The following CSNK1D variants were observed in gnomAD, a reference collection of about 807,000 sequenced individuals.
The protein encoded by CSNK1D is casein kinase 1 delta.
In CSNK1D, 16 loss-of-function variants were observed where a neutral mutation model predicts 46.6. The observed-to-expected ratio is 0.34, with a 90% CI of 0.23 to 0.52. The LOEUF (loss-of-function observed/expected upper bound fraction) is 0.52, where lower values mean the gene tolerates loss of function less well. CSNK1D is among the 20% of genes least tolerant of loss of function. CSNK1D has a pLI of 0.95. For missense variants in CSNK1D, 398 were observed against 578.4 expected (o/e 0.69, Z 3.20); for synonymous variants, 276 against 228.2 (o/e 1.21, Z -1.89).
intron 3 of CSNK1D, chr17:82,254,778 G>A (rs2051123379): frequency 3.8e-6 from 1 of 263,754 alleles, no homozygotes; most frequent in African/African-American, 3.6e-5. Context: ...TGAGCCACCG[G>A]AGCCTCGAGA....
downstream of CSNK1D, among the ~76,000 whole-genome samples, chr17:82,240,937 G>GGGGAA (rs745372251): frequency 3.5e-4 from 53 of 152,328 alleles, no homozygotes; most frequent in Non-Finnish European, 6.6e-4. Flanking sequence ...CAGGAGTGAA[G>GGGGAA]GGGAAGGGAA....
At chr17:82,264,360 A>C (rs577211000) in intron 2 of CSNK1D, among the ~76,000 whole-genome samples, 15 of 152,332 alleles carry the variant, frequency 9.8e-5, no homozygotes, top group Non-Finnish European at 1.8e-4. Context: ...CACACGCTTC[A>C]TGGCTCTGAA....
chr17:82,244,963 C>A, intron 8 of CSNK1D, 132 bp from the exon 9 acceptor site: 1 of 1,157,860 alleles, frequency 8.6e-7, no homozygotes, highest in Non-Finnish European at 1.3e-6. Context: ...ACGCCTGCGT[C>A]CCCCGCCACG....
At chr17:82,266,782 C>T (rs760991350) in intron 1 of CSNK1D, 19 of 152,494 alleles carry the variant, frequency 1.2e-4, no homozygotes, top group Non-Finnish European at 2.3e-4. Context: ...TGGAATCGGC[C>T]GGGCGCGGTG....
chr17:82,255,991 T>A lies in CSNK1D; in HGVS notation c.188-414A>T, dbSNP rs2051165721. ...ATGGGAGGAGAGAAAGCAGCTACCG[T>A]GGGTTAGGTGAGAGAAGAAAATATG... On this transcript the variant is annotated intron_variant, in intron 2 of 8. Transcript: ENST00000314028. The surrounding 1 kb of genome is among the most constrained non-coding windows in gnomAD (Gnocchi z 5.9). 6.6e-6 allele frequency among the ~76,000 whole-genome samples: 1 copy of A among 152,152 alleles called. No homozygotes were observed. Among genetic ancestry groups the A allele is most frequent in the South Asian group, 2.1e-4 (1 of 4,832 alleles).
chr17:82,245,059 G>A, intron 8 of CSNK1D: 1 of 631,512 alleles, frequency 1.6e-6, no homozygotes, highest in Non-Finnish European at 2.8e-6. Context: ...CAAGCAAGGT[G>A]CCCGCGGAGC....
At position 82,249,650 on chromosome 17, in the gene CSNK1D, A is replaced by G. The variant is rs1482944177; in HGVS notation, c.886-48T>C. On this transcript the variant is annotated intron_variant, in intron 6 of 8. Coordinates refer to ENST00000314028, the MANE Select transcript of CSNK1D (RefSeq NM_001893.6). This position sits in a 1 kb window ranked among gnomAD's most constrained non-coding sequence, Gnocchi z 6.7. ...CGGAATGGAACCAGCTTTGGCAGAA[A>G]GCAACCCTAGGTCCTAGGCTGCCCC... The G allele has an allele frequency of 6.5e-7, 1 of 1,544,696 alleles. No homozygotes were observed. Among genetic ancestry groups the G allele is most frequent in the South Asian group, 1.2e-5 (1 of 84,528 alleles).
At chr17:82,239,774 C>T (rs115739233), downstream of CSNK1D, 1,552 of 395,194 alleles carry the variant, frequency 3.9e-3, 17 homozygotes, top group African/African-American at 0.03. Context: ...GAAACAGGAC[C>T]CTCCTGCCTT....
chr17:82,244,522 A>G lies in CSNK1D; in HGVS notation c.*259T>C. Reference sequence around the variant, plus strand: ...TGGAAAAGGAGTCTGATTCTCTGCAATTCTCTCTCTGCTTTTCTTCCCAGC... The same window carrying G: ...TGGAAAAGGAGTCTGATTCTCTGCAGTTCTCTCTCTGCTTTTCTTCCCAGC... On this transcript the variant is annotated 3_prime_UTR_variant, in exon 9 of 9. Coordinates refer to ENST00000314028, the MANE Select transcript of CSNK1D (RefSeq NM_001893.6). 6.9e-7 allele frequency: 1 copy of G among 1,439,524 alleles called. No homozygotes were observed. The highest frequency in any genetic ancestry group is 9.1e-7 in the Non-Finnish European group (1 of 1,095,838). The allele number at this position is 1,439,524 out of a possible 1,614,324, so 89.2% of individuals were successfully genotyped here.
chr17:82,241,390 T>G (rs1599567185), downstream of CSNK1D, among the ~76,000 whole-genome samples: 2 of 152,232 alleles, frequency 1.3e-5, no homozygotes, highest in African/African-American at 4.8e-5. Flanking sequence ...CCTGCTCTTT[T>G]CAGCGTCTAA....
rs548880770 is a variant in CSNK1D at position 82,245,095 on chromosome 17, G to A, written c.1198-264C>T. On this transcript the variant is annotated intron_variant, in intron 8 of 8. Transcript: ENST00000314028. ...CGGGCTCGGCAGGGTCGAAGGATCC[G>A]AGTGGAGCGGAGACGGGTGCTCCTG... 6.7e-5 allele frequency: 40 copies of A among 595,982 alleles called. 1 individual carries two copies. The highest frequency in any genetic ancestry group is 1.1e-4 in the Non-Finnish European group (37 of 333,878). 36.9% of individuals were successfully genotyped at this position (595,982 alleles called of 1,614,324 possible).
rs1258342929 is a variant in CSNK1D at position 82,252,760 on chromosome 17, T to TGCCCAGATCACTCTC, written c.566-171_566-157dup. Among the ~76,000 whole-genome samples the TGCCCAGATCACTCTC allele has an allele frequency of 1.5e-3, 232 of 152,232 alleles. No individual in the cohort carries two copies. The highest frequency in any genetic ancestry group is 6.8e-3 in the Middle Eastern group (2 of 294). ...AGTGGAGACGAACCTCGGACACACA[T>TGCCCAGATCACTCTC]GCCCAGATCACTCTCACCCAGAGCT... On this transcript the variant is annotated intron_variant, in intron 4 of 8. Transcript: ENST00000314028. This position sits in a 1 kb window ranked among gnomAD's most constrained non-coding sequence, Gnocchi z 4.6.
Position 82,248,797 on chromosome 17 carries a change from C to T in CSNK1D, c.1197+78G>A. On this transcript the variant is annotated intron_variant, in intron 8 of 8. Coordinates refer to ENST00000314028, the MANE Select transcript of CSNK1D (RefSeq NM_001893.6). The surrounding 1 kb of genome is among the most constrained non-coding windows in gnomAD (Gnocchi z 4.1). ...GGGGGAAGAAAGGAAAGAAGAAGCCCTGGAGAAACCACAGCCCGCTCTTGA... is the reference window on the plus strand; with the variant it reads ...GGGGGAAGAAAGGAAAGAAGAAGCCTTGGAGAAACCACAGCCCGCTCTTGA... 1 of 1,553,654 alleles carries T rather than the reference C, an allele frequency of 6.4e-7. No individual in the cohort carries two copies. The highest frequency in any genetic ancestry group is 8.7e-7 in the Non-Finnish European group (1 of 1,150,348).
In CSNK1D at chr17:82,250,598, T is replaced by A; in HGVS notation, c.885+781A>T. 1 of 200,586 alleles carries A rather than the reference T, an allele frequency of 5.0e-6. No homozygotes were observed. The allele number at this position is 200,586 out of a possible 1,614,324, so 12.4% of individuals were successfully genotyped here. A position where few individuals can be genotyped will look rare whatever the true frequency, so the allele number is the denominator to read the frequency against. On this transcript the variant is annotated intron_variant, in intron 6 of 8. Coordinates refer to ENST00000314028, the MANE Select transcript of CSNK1D (RefSeq NM_001893.6). The surrounding 1 kb of genome is among the most constrained non-coding windows in gnomAD (Gnocchi z 4.6). ...AGTACTCCCCACGCTGATGGGCACT[T>A]GGCAAGTAAGTCAAGATGAACAGAG...
chr17:82,240,130 C>A (rs538248413), downstream of CSNK1D: 3 of 1,182,632 alleles, frequency 2.5e-6, no homozygotes, highest in Non-Finnish European at 2.1e-6. Flanking sequence ...CCTGGCCTTG[C>A]GCCAGCTGGG....
At position 82,252,321 on chromosome 17, in the gene CSNK1D, T is replaced by G; in HGVS notation, c.736+113A>C. On this transcript the variant is annotated intron_variant, in intron 5 of 8. Coordinates refer to ENST00000314028, the MANE Select transcript of CSNK1D (RefSeq NM_001893.6). The surrounding 1 kb of genome is among the most constrained non-coding windows in gnomAD (Gnocchi z 4.6). ...GCCCCGCTTTCCTGCCACCACCCCT[T>G]TGGAAGGTGAGCAACTCTTCTGACA... 7.9e-7 allele frequency: 1 copy of G among 1,257,996 alleles called. No homozygotes were observed. 77.9% of individuals were successfully genotyped at this position (1,257,996 alleles called of 1,614,324 possible).
Position 82,250,149 on chromosome 17 carries a change from G to C in CSNK1D, c.886-547C>G. 7.8e-7 allele frequency: 1 copy of C among 1,290,264 alleles called. No homozygotes were observed. Among genetic ancestry groups the C allele is most frequent in the Non-Finnish European group, 1.0e-6 (1 of 989,160 alleles). 79.9% of individuals were successfully genotyped at this position (1,290,264 alleles called of 1,614,324 possible). ...TGCACTATCCAGATGCACGGGGGTG[G>C]GGAGGTCAGATTTTAAGCCGAGACA... is the stretch of plus-strand genomic sequence containing the variant. On this transcript the variant is annotated intron_variant, in intron 6 of 8. Coordinates refer to ENST00000314028, the MANE Select transcript of CSNK1D (RefSeq NM_001893.6). This position sits in a 1 kb window ranked among gnomAD's most constrained non-coding sequence, Gnocchi z 4.6.
intron 8 of CSNK1D, chr17:82,247,193 CGTT>C: frequency 7.1e-6 from 7 of 985,462 alleles, no homozygotes; most frequent in Non-Finnish European, 8.4e-6. Context: ...TTAGAGCCCA[CGTT>C]GTATTTCCTC....
intron 1 of CSNK1D, 80 bp from the exon 2 acceptor site, chr17:82,265,876 C>G: frequency 1.7e-6 from 2 of 1,181,800 alleles, no homozygotes; most frequent in Non-Finnish European, 2.5e-6. Context: ...ACAACAAGCA[C>G]TATGTGTTTT....
Sources: allele counts gnomAD v4.1 joint callset (sites outside exome capture counted in the v4.1 genomes callset), GRCh38; gene constraint gnomAD v4.1.1; non-coding constraint Gnocchi (gnomAD v3.1); transcripts MANE v1.5; gene names NCBI Gene and HGNC (gene_info 2026-07-23, HGNC 2026-07-21).